Variants in BRCA2 observed in about 807,000 individuals in gnomAD.
BRCA2 encodes BRCA2 DNA repair associated.
Under a neutral mutation model 276.7 loss-of-function variants are expected in BRCA2, and 203 were observed. The ratio of observed to expected loss-of-function variants is 0.73; its 90% CI spans 0.65 to 0.82. The LOEUF is 0.82. BRCA2 is among the 40% of genes least tolerant of loss of function. The pLI, the probability that BRCA2 is intolerant of heterozygous loss-of-function variation, is 0.00. For missense variants in BRCA2, 3,920 were observed against 3,915.0 expected (o/e 1.00, Z -0.03); for synonymous variants, 1,289 against 1,338.4 (o/e 0.96, Z 0.81).
rs918680334 is a variant in BRCA2 at position 32,349,562 on chromosome 13, C to T, written c.7007+2666C>T. ...TTTAAGAAGCAATACTCGCCGGGTA[C>T]GGTGGCTCACATGGAGGCTGAGGCG... On this transcript the variant is annotated intron_variant, in intron 13 of 26. Transcript: ENST00000380152. 2.1e-4 allele frequency among the ~76,000 whole-genome samples: 32 copies of T among 151,882 alleles called. 1 individual carries two copies. The highest frequency in any genetic ancestry group is 6.3e-4 in the African/African-American group (26 of 41,346).
rs80358660 is a variant in BRCA2 at position 32,325,175 on chromosome 13, T to C, written c.416T>C (p.Leu139Pro). The change falls in exon 4 of 27, where the codon CTT becomes CCT. Residue 139 changes from leucine to proline, a missense_variant. This residue lies in a region of BRCA2 where 3,263 missense variants were observed against 3,156.9 expected (regional missense o/e 1.03). Coordinates refer to ENST00000380152, the MANE Select transcript of BRCA2 (RefSeq NM_000059.4). ...TCCTGTCCACTTCTAAATTCTTGTC[T>C]TAGTGAAAGGTATGATGAAGCTATT... The part of the protein sequence containing the change: ...DVSCPLLNSC[L>P]SESPVVLQCT... 1.9e-6 allele frequency: 3 copies of C among 1,575,060 alleles called. No individual in the cohort carries two copies. The highest frequency in any genetic ancestry group is 1.7e-5 in the Admixed American group (1 of 59,950).
intron 25 of BRCA2, 200 bp from the exon 26 acceptor site, chr13:32,396,698 C>A: frequency 1.6e-6 from 1 of 618,638 alleles, no homozygotes; most frequent in Non-Finnish European, 2.8e-6. Flanking sequence ...TCCCCTCTCC[C>A]TATCAGCTAG....
At chr13:32,379,127 C>T (rs932779880) in intron 21 of BRCA2, among the ~76,000 whole-genome samples, 190 bp from the exon 22 acceptor site, 3 of 151,914 alleles carry the variant, frequency 2.0e-5, no homozygotes, top group African/African-American at 7.3e-5. Context: ...TCATTTTTGC[C>T]GTAGGGAAAT....
intron 24 of BRCA2, among the ~76,000 whole-genome samples, chr13:32,387,895 C>G (rs2072971262): frequency 6.6e-6 from 1 of 152,132 alleles, no homozygotes; most frequent in Admixed American, 6.5e-5. Context: ...TTAGAAGATT[C>G]ACCCTCCTTA....
At chr13:32,391,266 T>A (rs562874487) in intron 24 of BRCA2, among the ~76,000 whole-genome samples, 4 of 152,256 alleles carry the variant, frequency 2.6e-5, no homozygotes, top group South Asian at 4.1e-4. Flanking sequence ...GATTAGAAAA[T>A]GCCCTTAGGA....
chr13:32,352,134 A>G (rs567112017), intron 13 of BRCA2, among the ~76,000 whole-genome samples: 34 of 152,196 alleles, frequency 2.2e-4, no homozygotes, highest in African/African-American at 8.2e-4. Flanking sequence ...CTGATTGTGG[A>G]ATTGTTGAAG....
At chr13:32,316,686 T>C (rs2072264119) in intron 2 of BRCA2, among the ~76,000 whole-genome samples, 159 bp downstream of exon 2, 1 of 152,192 alleles carries the variant, frequency 6.6e-6, no homozygotes, top group South Asian at 2.1e-4. Context: ...CGTTTGCAGG[T>C]TAACCACATG....
intron 18 of BRCA2, among the ~76,000 whole-genome samples, chr13:32,368,361 G>T (rs987316778): frequency 6.6e-6 from 1 of 151,956 alleles, no homozygotes; most frequent in African/African-American, 2.4e-5. Flanking sequence ...AAGTGAATTT[G>T]TGTCTACCAA....
At chr13:32,333,450 G>C (rs2137476637) in intron 10 of BRCA2, 63 bp downstream of exon 10, 1 of 1,536,834 alleles carries the variant, frequency 6.5e-7, no homozygotes, top group African/African-American at 1.4e-5. Flanking sequence ...GATTCCTTCT[G>C]TGTTTTTTTC....
intron 3 of BRCA2, among the ~76,000 whole-genome samples, chr13:32,322,961 G>C (rs2072316305): frequency 6.6e-6 from 1 of 152,130 alleles, no homozygotes; most frequent in Admixed American, 6.6e-5. Flanking sequence ...GGATCATATA[G>C]TAAGAGTATG....
intron 14 of BRCA2, among the ~76,000 whole-genome samples, chr13:32,355,749 A>G (rs1156922327): frequency 6.6e-6 from 1 of 151,818 alleles, no homozygotes; most frequent in Non-Finnish European, 1.5e-5. Flanking sequence ...GCGTGGTGGC[A>G]GGCACCTGTA....
Position 32,398,117 on chromosome 13 carries a change from G to C in BRCA2, c.9649-45G>C, listed in dbSNP as rs376783622. Reference sequence around the variant, plus strand: ...AAGTTACTTTGATTTAGTTTTTTATGTTACTACATAATTATGATAGGCTAC... The same window carrying C: ...AAGTTACTTTGATTTAGTTTTTTATCTTACTACATAATTATGATAGGCTAC... On this transcript the variant is annotated intron_variant, in intron 26 of 26. Coordinates refer to ENST00000380152, the MANE Select transcript of BRCA2 (RefSeq NM_000059.4). 36 of 1,558,144 alleles carry C rather than the reference G, an allele frequency of 2.3e-5. No individual in the cohort carries two copies. Among genetic ancestry groups the C allele is most frequent in the Non-Finnish European group, 3.0e-5 (34 of 1,149,916 alleles).
intron 20 of BRCA2, chr13:32,375,363 T>G (rs1336499308): frequency 2.2e-6 from 1 of 452,588 alleles, no homozygotes; most frequent in African/African-American, 2.0e-5. Context: ...CACTGAAGTC[T>G]TGAACCCCCC....
rs1462393482 is a variant in BRCA2, at chr13:32,378,597, A to G, written c.8755-720A>G. Among the ~76,000 whole-genome samples the G allele has an allele frequency of 2.0e-5, 3 of 152,338 alleles. No homozygotes were observed. In the East Asian group the frequency reaches 5.8e-4, roughly 29 times the overall value. Reference sequence around the variant, plus strand: ...ATAATCTCCCTTCCCGGTAGAGATTAGGATATTAAGATGTATAATATCCTA... The same window carrying G: ...ATAATCTCCCTTCCCGGTAGAGATTGGGATATTAAGATGTATAATATCCTA... On this transcript the variant is annotated intron_variant, in intron 21 of 26. Coordinates refer to ENST00000380152, the MANE Select transcript of BRCA2 (RefSeq NM_000059.4).
At chr13:32,348,231 G>C (rs1050763216) in intron 13 of BRCA2, among the ~76,000 whole-genome samples, 1 of 151,960 alleles carries the variant, frequency 6.6e-6, no homozygotes, top group African/African-American at 2.4e-5. Flanking sequence ...TGAAAATACA[G>C]AGTTTGAGAA....
Position 32,370,563 on chromosome 13 carries a change from A to G in BRCA2, c.8487+6A>G, listed in dbSNP as rs1240522181. 4 of 1,604,862 alleles carry G rather than the reference A, an allele frequency of 2.5e-6. No individual in the cohort carries two copies. The highest frequency in any genetic ancestry group is 3.4e-6 in the Non-Finnish European group (4 of 1,171,678). On this transcript the variant is annotated splice_donor_region_variant and intron_variant, in intron 19 of 26. Transcript: ENST00000380152. The stretch of plus-strand genomic sequence containing the variant: ...AAAGAGCATACCCTATACAGGTATG[A>G]TGTATTCTTGAAACTTACCATATAT...
intron 3 of BRCA2, among the ~76,000 whole-genome samples, chr13:32,320,036 G>A (rs1452096732): frequency 6.6e-6 from 1 of 152,206 alleles, no homozygotes; most frequent in African/African-American, 2.4e-5. Flanking sequence ...ATTTGAAGAT[G>A]TGGTAGAGTG....
rs74537929 is a variant in BRCA2, at chr13:32,386,531, C to T, written c.9256+6386C>T. Reference sequence around the variant, plus strand: ...AATCTGATAAAATATTAGTTGCATTCAATAATTAATGAATCAATGTGTGTG... The same window carrying T: ...AATCTGATAAAATATTAGTTGCATTTAATAATTAATGAATCAATGTGTGTG... On this transcript the variant is annotated intron_variant, in intron 24 of 26. Transcript: ENST00000380152. Among the ~76,000 whole-genome samples the T allele has an allele frequency of 7.8e-3, 1,179 of 151,270 alleles. 18 individuals are homozygous for T. Among genetic ancestry groups the T allele is most frequent in the African/African-American group, 0.027 (1,094 of 41,210 alleles).
At chr13:32,387,214 TAAAG>T (rs2072966668) in intron 24 of BRCA2, among the ~76,000 whole-genome samples, 1 of 152,202 alleles carries the variant, frequency 6.6e-6, no homozygotes, top group Non-Finnish European at 1.5e-5. Flanking sequence ...TTCAGTATAA[TAAAG>T]AAAATAGTTA....
Sources: allele counts gnomAD v4.1 joint callset (sites outside exome capture counted in the v4.1 genomes callset), GRCh38; gene constraint gnomAD v4.1.1; regional missense constraint gnomAD v4.1.1; transcripts MANE v1.5; gene names NCBI Gene and HGNC (gene_info 2026-07-23, HGNC 2026-07-21).